Variants in PDE4B observed in about 807,000 individuals in gnomAD.
PDE4B encodes the protein phosphodiesterase 4B.
In PDE4B, 20 loss-of-function variants were observed where a neutral mutation model predicts 82.2. The observed-to-expected ratio is 0.24, with a 90% CI of 0.17 to 0.35. The LOEUF is 0.35. Ranked by LOEUF, PDE4B falls within the 10% of genes least tolerant of loss-of-function variation. PDE4B has a pLI of 1.00. For missense variants in PDE4B, 655 were observed against 907.2 expected, an observed-to-expected ratio of 0.72 and a Z score of 3.57; for synonymous variants, 320 against 318.9, an observed-to-expected ratio of 1.00 and a Z score of -0.04.
chr1:66,363,512 C>T lies in PDE4B; in HGVS notation c.1225C>T (p.Leu409=), dbSNP rs912836573. The change falls in exon 12 of 17, where the codon CTG becomes TTG. Residue 409 remains leucine, a synonymous_variant. Coordinates refer to ENST00000341517, the MANE Select transcript of PDE4B (RefSeq NM_002600.4). ...TTCTGACGTGGCATATCACAACAGC[C>T]TGCACGCTGCTGATGTAGCCCAGTC... ...YHSDVAYHNS[L]HAADVAQSTH... is the part of the protein sequence containing the mutation. 2 of 1,613,726 alleles carry T rather than the reference C, an allele frequency of 1.2e-6. No homozygotes were observed. Among genetic ancestry groups the T allele is most frequent in the Non-Finnish European group, 1.7e-6 (2 of 1,179,778 alleles).
intron 3 of PDE4B, among the ~76,000 whole-genome samples, chr1:66,090,645 A>G (rs1297791910): frequency 7.3e-5 from 4 of 55,138 alleles, no homozygotes; most frequent in African/African-American, 1.8e-4. Context: ...GTGTGTATGT[A>G]CGTATATATA....
chr1:66,053,260 A>C (rs1383573641), intron 3 of PDE4B, among the ~76,000 whole-genome samples: 3 of 152,242 alleles, frequency 2.0e-5, no homozygotes, highest in Non-Finnish European at 4.4e-5. Flanking sequence ...ATATTCAGAC[A>C]TTAGAAAAGA....
chr1:65,957,146 C>T (rs2100586683), intron 3 of PDE4B, among the ~76,000 whole-genome samples: 1 of 150,900 alleles, frequency 6.6e-6, no homozygotes, highest in Middle Eastern at 3.4e-3. Context: ...CTCAGGCTGG[C>T]TTGTCTTTTT....
chr1:66,284,889 C>A (rs1173620392), intron 7 of PDE4B, among the ~76,000 whole-genome samples: 2 of 152,108 alleles, frequency 1.3e-5, no homozygotes, highest in Non-Finnish European at 2.9e-5. Context: ...CAGGGAAATA[C>A]ATTATCAAAG....
intron 3 of PDE4B, among the ~76,000 whole-genome samples, chr1:66,018,863 G>T (rs888714309): frequency 1.4e-4 from 21 of 152,088 alleles, no homozygotes; most frequent in African/African-American, 4.3e-4. Context: ...TAATTAAAAG[G>T]TTCTGTGATA....
At chr1:66,244,197 A>G (rs1653115567) in intron 3 of PDE4B, among the ~76,000 whole-genome samples, 1 of 152,240 alleles carries the variant, frequency 6.6e-6, no homozygotes, top group African/African-American at 2.4e-5. Context: ...GTAGCACATA[A>G]CAAATACTTG....
At chr1:66,083,379 A>G (rs760001838) in intron 3 of PDE4B, among the ~76,000 whole-genome samples, 2 of 152,120 alleles carry the variant, frequency 1.3e-5, no homozygotes, top group Admixed American at 6.6e-5. Flanking sequence ...ACTGCATGCC[A>G]GGGACACTCA....
intron 8 of PDE4B, among the ~76,000 whole-genome samples, chr1:66,347,250 G>A (rs754765689): frequency 2.8e-4 from 43 of 152,128 alleles, no homozygotes; most frequent in Non-Finnish European, 5.7e-4. Context: ...TCTAAATTAT[G>A]ATAGCTAATA....
intron 3 of PDE4B, among the ~76,000 whole-genome samples, chr1:66,024,214 A>C (rs1488768455): frequency 6.6e-6 from 1 of 152,300 alleles, no homozygotes; most frequent in East Asian, 1.9e-4. Flanking sequence ...TGCAAATAAT[A>C]GATAAACACT....
At chr1:66,131,498 T>C (rs114710316) in intron 3 of PDE4B, among the ~76,000 whole-genome samples, 1,652 of 148,512 alleles carry the variant, frequency 0.011, 31 homozygotes, top group African/African-American at 0.039. Context: ...AATGAGTACT[T>C]ATATTAAAAA....
Position 66,090,621 on chromosome 1 carries a change from A to ATATATATATATGTGTGTG in PDE4B, c.282-156838_282-156837insATATATATATGTGTGTGT. Among the ~76,000 whole-genome samples the ATATATATATATGTGTGTG allele has an allele frequency of 5.7e-5, 7 of 122,730 alleles. 1 individual carries two copies. The highest frequency in any genetic ancestry group is 2.1e-4 in the East Asian group (1 of 4,680). 80.5% of individuals were successfully genotyped at this position (122,730 alleles called of 152,430 possible). On this transcript the variant is annotated intron_variant, in intron 3 of 16. Coordinates refer to ENST00000341517, the MANE Select transcript of PDE4B (RefSeq NM_002600.4). ...TTATATATATATATGTATATAATAT[A>ATATATATATATGTGTGTG]TGTGTGTGTGTGTGTGTGTATGTAC...
intron 3 of PDE4B, among the ~76,000 whole-genome samples, chr1:65,996,051 G>A (rs1382710936): frequency 6.6e-6 from 1 of 152,040 alleles, no homozygotes; most frequent in Non-Finnish European, 1.5e-5. Context: ...TTCTGACTCT[G>A]GGCTATTTAA....
At chr1:66,333,543 C>T (rs1220179753) in intron 8 of PDE4B, among the ~76,000 whole-genome samples, 1 of 152,182 alleles carries the variant, frequency 6.6e-6, no homozygotes, top group Non-Finnish European at 1.5e-5. Flanking sequence ...TTCAGAGTCC[C>T]AGTCATTCTA....
chr1:66,120,313 G>T (rs1358816439), intron 3 of PDE4B, among the ~76,000 whole-genome samples: 3 of 151,148 alleles, frequency 2.0e-5, no homozygotes, highest in African/African-American at 7.4e-5. Flanking sequence ...CCTTGGTTTG[G>T]ATGGGGTATG....
At chr1:66,364,626 T>C (rs981117174) in intron 12 of PDE4B, among the ~76,000 whole-genome samples, 3 of 152,188 alleles carry the variant, frequency 2.0e-5, no homozygotes, top group Admixed American at 1.3e-4. Context: ...TTGTGTTGCA[T>C]ATTTTCTAAG....
chr1:66,004,746 T>C (rs919977519), intron 3 of PDE4B, among the ~76,000 whole-genome samples: 36 of 152,102 alleles, frequency 2.4e-4, no homozygotes, highest in Middle Eastern at 3.2e-3. Flanking sequence ...AGTTTATTCA[T>C]GAGAGGCAGT....
In PDE4B at chr1:66,023,623, A is replaced by G. The variant is rs369482984; in HGVS notation, c.281+104788A>G. ...TTCCAGGTGAAGGAAATGGTTAACA[A>G]CATTCTATTGATTTCAATTGAAGAA... On this transcript the variant is annotated intron_variant, in intron 3 of 16. Coordinates refer to ENST00000341517, the MANE Select transcript of PDE4B (RefSeq NM_002600.4). Among the ~76,000 whole-genome samples, 27 of 152,268 alleles carry G rather than the reference A, an allele frequency of 1.8e-4. 2 individuals carry two copies. Among genetic ancestry groups the G allele is most frequent in the East Asian group, 1.2e-3 (6 of 5,186 alleles).
chr1:65,831,788 C>T (rs1018635178), intron 1 of PDE4B, among the ~76,000 whole-genome samples: 1 of 152,096 alleles, frequency 6.6e-6, no homozygotes, highest in African/African-American at 2.4e-5. Context: ...AAATCAAATT[C>T]AGCAATATGT....
At chr1:65,845,535 C>T (rs1037011418) in intron 1 of PDE4B, among the ~76,000 whole-genome samples, 1 of 152,094 alleles carries the variant, frequency 6.6e-6, no homozygotes, top group African/African-American at 2.4e-5. Context: ...TCTGAGATAC[C>T]GTCAATGTTT....
Sources: allele counts gnomAD v4.1 joint callset (sites outside exome capture counted in the v4.1 genomes callset), GRCh38; gene constraint gnomAD v4.1.1; transcripts MANE v1.5; gene names NCBI Gene and HGNC (gene_info 2026-07-23, HGNC 2026-07-21).